Variants in NKAIN2 observed in about 807,000 individuals in gnomAD.
The protein encoded by NKAIN2 is sodium/potassium transporting ATPase interacting 2, also known as sodium/potassium-transporting ATPase subunit beta-1-interacting protein 2.
A neutral mutation model predicts 32.6 loss-of-function variants in NKAIN2; 14 were observed. The ratio of observed to expected loss-of-function variants is 0.43; its 90% CI spans 0.28 to 0.67. The LOEUF is 0.67. Ranked by LOEUF, NKAIN2 falls within the 30% of genes least tolerant of loss-of-function variation. NKAIN2 has a pLI of 0.17. For missense variants in NKAIN2, 198 were observed against 258.3 expected (o/e 0.77, Z 1.60); for synonymous variants, 80 against 87.2 (o/e 0.92, Z 0.46).
intron 1 of NKAIN2, among the ~76,000 whole-genome samples, chr6:124,135,161 A>G (rs890872026): frequency 6.6e-6 from 1 of 152,148 alleles, no homozygotes; most frequent in Non-Finnish European, 1.5e-5. Context: ...AAATACACCA[A>G]AATGAACCTC....
intron 1 of NKAIN2, among the ~76,000 whole-genome samples, chr6:124,047,382 A>G (rs1397330372): frequency 6.6e-6 from 1 of 152,032 alleles, no homozygotes; most frequent in Non-Finnish European, 1.5e-5. Context: ...GTATGTCTAT[A>G]AAATGCAAGG....
At chr6:124,085,487 A>G (rs778636552) in intron 1 of NKAIN2, among the ~76,000 whole-genome samples, 1 of 151,514 alleles carries the variant, frequency 6.6e-6, no homozygotes, top group Non-Finnish European at 1.5e-5. Context: ...TGTCAAAGTT[A>G]GACTTCGGCT....
chr6:124,437,944 T>A (rs1337472762), intron 3 of NKAIN2: 9 of 428,934 alleles, frequency 2.1e-5, no homozygotes, highest in Non-Finnish European at 3.7e-5. Flanking sequence ...CAATAGTTAT[T>A]ATTTGTACAA....
At chr6:124,626,471 C>T (rs921539909) in intron 3 of NKAIN2, among the ~76,000 whole-genome samples, 3 of 151,936 alleles carry the variant, frequency 2.0e-5, no homozygotes, top group African/African-American at 4.8e-5. Flanking sequence ...GATTCATGGG[C>T]CAAAATGCAG....
At chr6:124,754,329 A>G (rs1777862023) in intron 4 of NKAIN2, among the ~76,000 whole-genome samples, 1 of 152,122 alleles carries the variant, frequency 6.6e-6, no homozygotes, top group South Asian at 2.1e-4. Context: ...ATTTGAGTTC[A>G]TCACATCCTT....
At chr6:124,647,865 C>T (rs1290619894) in intron 3 of NKAIN2, among the ~76,000 whole-genome samples, 1 of 152,086 alleles carries the variant, frequency 6.6e-6, no homozygotes, top group Non-Finnish European at 1.5e-5. Context: ...AAAGCACATT[C>T]ATCAGACTTA....
chr6:124,573,012 G>A (rs539776423), intron 3 of NKAIN2, among the ~76,000 whole-genome samples: 1 of 151,898 alleles, frequency 6.6e-6, no homozygotes, highest in South Asian at 2.1e-4. Flanking sequence ...GCTAATTTTT[G>A]TATTTTTAGT....
At chr6:124,692,902 A>G (rs1280865208) in intron 4 of NKAIN2, among the ~76,000 whole-genome samples, 1 of 152,180 alleles carries the variant, frequency 6.6e-6, no homozygotes, top group East Asian at 1.9e-4. Context: ...TATGCATTTG[A>G]TACAGGAAAC....
At chr6:124,602,872 A>T in intron 3 of NKAIN2, among the ~76,000 whole-genome samples, 1 of 152,050 alleles carries the variant, frequency 6.6e-6, no homozygotes, top group Middle Eastern at 3.4e-3. Flanking sequence ...GTCCACCATG[A>T]CCTTATCTGC....
intron 3 of NKAIN2, among the ~76,000 whole-genome samples, chr6:124,413,112 T>G (rs1392802610): frequency 1.3e-5 from 2 of 152,226 alleles, no homozygotes; most frequent in East Asian, 3.9e-4. Context: ...CCCTGACCCC[T>G]TGCACTTCCC....
intron 3 of NKAIN2, among the ~76,000 whole-genome samples, chr6:124,388,880 G>A (rs1773027069): frequency 6.6e-6 from 1 of 151,960 alleles, no homozygotes; most frequent in Non-Finnish European, 1.5e-5. Flanking sequence ...TGATTAAAAT[G>A]GACTCCAAGC....
chr6:124,257,728 A>C (rs1317671732), intron 1 of NKAIN2, among the ~76,000 whole-genome samples: 1 of 151,974 alleles, frequency 6.6e-6, no homozygotes, highest in Non-Finnish European at 1.5e-5. Flanking sequence ...CCTTGTGGCC[A>C]GCACTCCTCT....
At chr6:123,940,533 G>A (rs867939681) in intron 1 of NKAIN2, among the ~76,000 whole-genome samples, 53 of 152,076 alleles carry the variant, frequency 3.5e-4, no homozygotes, top group Middle Eastern at 3.4e-3. Flanking sequence ...ATATGATATA[G>A]CATTTTGCTC....
chr6:124,392,833 T>C (rs1208329349), intron 3 of NKAIN2, among the ~76,000 whole-genome samples: 1 of 152,128 alleles, frequency 6.6e-6, no homozygotes, highest in East Asian at 1.9e-4. Flanking sequence ...ATAAGGTCTC[T>C]GGTCTATGAT....
At position 124,043,210 on chromosome 6, in the gene NKAIN2, A is replaced by G. The variant is rs764783238; in HGVS notation, c.54+238956A>G. On this transcript the variant is annotated intron_variant, in intron 1 of 6. Coordinates refer to ENST00000368417, the MANE Select transcript of NKAIN2 (RefSeq NM_001040214.3). ...TTGTCTCTACTAAAAATACAAAATT[A>G]GCTAGGCATGGTGGCGGGTGCCTTT... Among the ~76,000 whole-genome samples the G allele has an allele frequency of 2.3e-3, 343 of 152,116 alleles. 3 individuals are homozygous for G. Among genetic ancestry groups the G allele is most frequent in the Middle Eastern group, 3.4e-3 (1 of 294 alleles).
At chr6:124,803,598 A>G (rs781391192) in intron 5 of NKAIN2, among the ~76,000 whole-genome samples, 6 of 152,220 alleles carry the variant, frequency 3.9e-5, no homozygotes, top group Non-Finnish European at 8.8e-5. Context: ...TATGTCACAC[A>G]GGCTGTTCCT....
chr6:123,851,111 T>A (rs1775324207), intron 1 of NKAIN2, among the ~76,000 whole-genome samples: 2 of 152,118 alleles, frequency 1.3e-5, no homozygotes, highest in African/African-American at 4.8e-5. Flanking sequence ...GACACTTAGG[T>A]TGATTCCATA....
At chr6:124,809,190 A>G (rs1390100148) in intron 5 of NKAIN2, among the ~76,000 whole-genome samples, 2 of 152,024 alleles carry the variant, frequency 1.3e-5, no homozygotes, top group African/African-American at 4.8e-5. Flanking sequence ...TCCTAAGCCA[A>G]AAGAACAAAG....
chr6:124,769,669 T>C (rs1209762804), intron 4 of NKAIN2, among the ~76,000 whole-genome samples: 2 of 152,208 alleles, frequency 1.3e-5, no homozygotes, highest in Non-Finnish European at 2.9e-5. Flanking sequence ...CTCTTACTTA[T>C]TGTTCTAGTA....
Sources: gnomAD v4.1 joint callset for allele counts (sites outside exome capture counted in the v4.1 genomes callset) on GRCh38, gnomAD v4.1.1 for gene constraint, MANE v1.5 for transcripts, NCBI Gene and HGNC (gene_info 2026-07-23, HGNC 2026-07-21) for gene names.